The following NAP1L1 variants were observed in gnomAD, a reference collection of about 807,000 sequenced individuals.
The protein encoded by NAP1L1 is nucleosome assembly protein 1 like 1.
NAP1L1 carries 9 observed loss-of-function variants against 58.9 expected under a neutral mutation model. That is an observed-to-expected ratio of 0.15 (90% CI 0.09 to 0.27). The LOEUF (loss-of-function observed/expected upper bound fraction) is 0.27. Among genes scored for constraint, NAP1L1 ranks in the 10% least tolerant of loss-of-function variants. The probability of loss-of-function intolerance (pLI) is 1.00; values close to 1 mark genes in which losing one functional copy is unlikely to be tolerated. For synonymous variants in NAP1L1, 130 were observed against 138.3 expected, an observed-to-expected ratio of 0.94 and a Z score of 0.42; for missense variants, 302 against 458.8, an observed-to-expected ratio of 0.66 and a Z score of 3.12.
Position 76,041,016 on chromosome 12 carries a change from A to T in NAP1L1, c.*7413T>A, listed in dbSNP as rs1948546240. On this transcript the variant is annotated 3_prime_UTR_variant, in exon 15 of 15. Transcript: ENST00000618691. ...GGGAATCAGCTTATACATAGATTTG[A>T]CTGAAGGAAGCTGGGGCCCCTAGCC... 1 of 152,266 alleles carries T rather than the reference A, an allele frequency of 6.6e-6. No individual in the cohort carries two copies. Among genetic ancestry groups the T allele is most frequent in the Non-Finnish European group, 1.5e-5 (1 of 68,056 alleles). The allele number at this position is 152,266 out of a possible 1,614,324, so 9.4% of individuals were successfully genotyped here. A position where few individuals can be genotyped will look rare whatever the true frequency, so the allele number is the denominator to read the frequency against.
chr12:76,042,527 T>C lies in NAP1L1; in HGVS notation c.*5902A>G, dbSNP rs917391735. On this transcript the variant is annotated 3_prime_UTR_variant, in exon 15 of 15. Transcript: ENST00000618691. The stretch of plus-strand genomic sequence containing the variant: ...AAAATTAGATCTCCATTTTTATTCA[T>C]GGATTCTTATTCCTATAGAGCAACC... The C allele has an allele frequency of 6.6e-5, 10 of 152,248 alleles. No individual in the cohort carries two copies. Among genetic ancestry groups the C allele is most frequent in the South Asian group, 2.1e-4 (1 of 4,834 alleles). 9.4% of individuals were successfully genotyped at this position (152,248 alleles called of 1,614,324 possible).
At position 76,044,409 on chromosome 12, in the gene NAP1L1, C is replaced by T. The variant is rs912628498; in HGVS notation, c.*4020G>A. 2 of 152,172 alleles carry T rather than the reference C, an allele frequency of 1.3e-5. No individual in the cohort carries two copies. The highest frequency in any genetic ancestry group is 4.8e-5 in the African/African-American group (2 of 41,452). 9.4% of individuals were successfully genotyped at this position (152,172 alleles called of 1,614,324 possible). A position where few individuals can be genotyped will look rare whatever the true frequency, so the allele number is the denominator to read the frequency against. On this transcript the variant is annotated 3_prime_UTR_variant, in exon 15 of 15. Transcript: ENST00000618691. ...AATAAAACTCAGTTTGTTCTAGGAT[C>T]CACAAAACTTAAAATGCCCAATTTC...
chr12:76,058,413 G>GTC (rs1296792416), intron 6 of NAP1L1, among the ~76,000 whole-genome samples: 1 of 146,064 alleles, frequency 6.8e-6, no homozygotes. Context: ...TTGAGACGGA[G>GTC]TCTCACACTG....
rs1948602933 is a variant in NAP1L1 at position 76,046,123 on chromosome 12, A to C, written c.*2306T>G. 6.6e-6 allele frequency: 1 copy of C among 151,998 alleles called. No individual in the cohort carries two copies. Among genetic ancestry groups the C allele is most frequent in the Admixed American group, 6.6e-5 (1 of 15,252 alleles). 9.4% of individuals were successfully genotyped at this position (151,998 alleles called of 1,614,324 possible). On this transcript the variant is annotated 3_prime_UTR_variant, in exon 15 of 15. Coordinates refer to ENST00000618691, the MANE Select transcript of NAP1L1 (RefSeq NM_004537.7). ...ATCACTACTCTCCACTCTTCAAAAA[A>C]AAAGTATATACATTCATTTAAAAAA...
intron 6 of NAP1L1, 44 bp downstream of exon 6, chr12:76,059,754 A>T: frequency 1.5e-6 from 2 of 1,345,520 alleles, no homozygotes; most frequent in Non-Finnish European, 2.1e-6. Context: ...AAGTCCTAAG[A>T]TTTTATCATC....
chr12:76,049,605 T>C (rs190435342), intron 13 of NAP1L1, 151 bp downstream of exon 13: 4 of 1,509,656 alleles, frequency 2.6e-6, no homozygotes, highest in South Asian at 1.2e-5. Context: ...TATACATACA[T>C]TGTTTGGCTG....
At chr12:76,076,558 A>G (rs1592699723) in intron 1 of NAP1L1, among the ~76,000 whole-genome samples, 1 of 8,720 alleles carries the variant, frequency 1.1e-4, no homozygotes, top group Non-Finnish European at 2.7e-4. Context: ...AAATATATAT[A>G]TATATATATA....
At position 76,037,088 on chromosome 12, in the gene NAP1L1, T is replaced by C. The variant is rs767692037; in HGVS notation, c.*11341A>G. ...GTCTCAAAATAAATAATTAAATAAA[T>C]AAACAAATAGTCTCACAGAGTGCAG... is the stretch of plus-strand genomic sequence containing the variant. On this transcript the variant is annotated 3_prime_UTR_variant, in exon 15 of 15. Transcript: ENST00000618691. The C allele has an allele frequency of 3.3e-5, 5 of 152,116 alleles. No homozygotes were observed. The highest frequency in any genetic ancestry group is 1.3e-4 in the Admixed American group (2 of 15,262). The allele number at this position is 152,116 out of a possible 1,614,324, so 9.4% of individuals were successfully genotyped here.
At chr12:76,050,031 T>C (rs1178804497) in intron 12 of NAP1L1, among the ~76,000 whole-genome samples, 1 of 152,166 alleles carries the variant, frequency 6.6e-6, no homozygotes, top group African/African-American at 2.4e-5. Context: ...AGTATTACTG[T>C]AAATATTACT....
intron 1 of NAP1L1, among the ~76,000 whole-genome samples, chr12:76,074,863 T>A (rs948623068): frequency 6.6e-6 from 1 of 152,126 alleles, no homozygotes; most frequent in Non-Finnish European, 1.5e-5. Context: ...CAAATGTACA[T>A]GTACCTCATG....
intron 6 of NAP1L1, chr12:76,057,212 G>C (rs932413036): frequency 4.7e-6 from 1 of 214,128 alleles, no homozygotes; most frequent in Non-Finnish European, 9.4e-6. Context: ...AGAATAGCTT[G>C]GGCCCAGGAA....
rs1364026497 is a variant in NAP1L1, at chr12:76,042,689, T to C, written c.*5740A>G. 6.6e-6 allele frequency: 1 copy of C among 152,182 alleles called. No homozygotes were observed. Among genetic ancestry groups the C allele is most frequent in the Non-Finnish European group, 1.5e-5 (1 of 68,022 alleles). 9.4% of individuals were successfully genotyped at this position (152,182 alleles called of 1,614,324 possible). A position where few individuals can be genotyped will look rare whatever the true frequency, so the allele number is the denominator to read the frequency against. On this transcript the variant is annotated 3_prime_UTR_variant, in exon 15 of 15. Transcript: ENST00000618691. ...TCCACTGTGCGTTCAGTTTTTATGA[T>C]ACATGTACAAATTTTCTTTCACCTG...
intron 4 of NAP1L1, chr12:76,061,060 A>C: frequency 2.3e-6 from 1 of 440,618 alleles, no homozygotes; most frequent in Non-Finnish European, 4.5e-6. Context: ...CCACCACTGC[A>C]CTCCAGCCTG....
At chr12:76,071,662 C>G (rs946459901) in intron 2 of NAP1L1, among the ~76,000 whole-genome samples, 3 of 152,094 alleles carry the variant, frequency 2.0e-5, no homozygotes, top group African/African-American at 4.8e-5. Flanking sequence ...AGGTACATTT[C>G]TAGAACTAGG....
rs1452843731 is a variant in NAP1L1, at chr12:76,055,769, CA to C, written c.558+263del. Among the ~76,000 whole-genome samples, 9 of 152,236 alleles carry C rather than the reference CA, an allele frequency of 5.9e-5. No homozygotes were observed. The East Asian group carries it at 1.7e-3, about 29-fold the overall frequency. ...TACTTCCATACTAAGTATGTAAAGA[CA>C]AAAGGCACAGGGTTATAAGAAAACA... On this transcript the variant is annotated intron_variant, in intron 7 of 14. Transcript: ENST00000618691.
intron 1 of NAP1L1, among the ~76,000 whole-genome samples, chr12:76,080,951 A>C (rs1453136844): frequency 2.6e-5 from 4 of 152,142 alleles, no homozygotes; most frequent in Non-Finnish European, 5.9e-5. Flanking sequence ...TAGCACACTC[A>C]GCCCCCTCCC....
intron 7 of NAP1L1, 150 bp downstream of exon 7, chr12:76,055,883 G>T: frequency 2.5e-6 from 2 of 786,376 alleles, no homozygotes; most frequent in Non-Finnish European, 4.1e-6. Flanking sequence ...ATTAATCAAA[G>T]CTGTAATTTC....
intron 6 of NAP1L1, chr12:76,058,163 CAGT>C (rs1300033861): frequency 1.6e-6 from 1 of 626,340 alleles, no homozygotes; most frequent in Non-Finnish European, 3.0e-6. Context: ...CCTGAACTGA[CAGT>C]AGATATGGCC....
At chr12:76,048,848 G>A (rs763110995) in intron 14 of NAP1L1, 2 of 404,922 alleles carry the variant, frequency 4.9e-6, no homozygotes, top group Non-Finnish European at 8.8e-6. Flanking sequence ...CTAACAAACT[G>A]CACTGCTCCC....
Sources: allele counts gnomAD v4.1 joint callset (sites outside exome capture counted in the v4.1 genomes callset), GRCh38; gene constraint gnomAD v4.1.1; transcripts MANE v1.5; gene names NCBI Gene and HGNC (gene_info 2026-07-23, HGNC 2026-07-21).